LYPD6B: variants seen among roughly 807,000 people sequenced by gnomAD.
LYPD6B encodes the protein LY6/PLAUR domain containing 6B, also known as ly6/PLAUR domain-containing protein 6B.
Under a neutral mutation model 22.8 loss-of-function variants are expected in LYPD6B, and 17 were observed. The observed-to-expected ratio is 0.75, with a 90% CI of 0.51 to 1.12. The LOEUF is 1.12. Ranked by LOEUF, LYPD6B falls within the 50% of genes most tolerant of loss-of-function variation. LYPD6B has a pLI of 0.00. For synonymous variants in LYPD6B, 106 were observed against 91.6 expected, an observed-to-expected ratio of 1.16 and a Z score of -0.90; for missense variants, 221 against 258.3, an observed-to-expected ratio of 0.86 and a Z score of 0.99.
chr2:149,168,781 G>A (rs1240849889), intron 3 of LYPD6B, among the ~76,000 whole-genome samples: 1 of 152,206 alleles, frequency 6.6e-6, no homozygotes, highest in African/African-American at 2.4e-5. Flanking sequence ...TCTGATCATA[G>A]GGGCCTAGCT....
At chr2:149,151,037 TAC>T (rs1182197964) in intron 2 of LYPD6B, among the ~76,000 whole-genome samples, 4 of 152,304 alleles carry the variant, frequency 2.6e-5, no homozygotes, top group South Asian at 2.1e-4. Flanking sequence ...GAGAAAAAAA[TAC>T]AGTTTTTGTA....
chr2:149,046,087 T>C (rs1326618496), intron 1 of LYPD6B, among the ~76,000 whole-genome samples: 1 of 152,202 alleles, frequency 6.6e-6, no homozygotes, highest in Non-Finnish European at 1.5e-5. Context: ...TGCATACACA[T>C]TTAGGGTTGT....
At chr2:149,193,914 T>TA (rs1692645388) in intron 3 of LYPD6B, among the ~76,000 whole-genome samples, 1 of 152,194 alleles carries the variant, frequency 6.6e-6, no homozygotes, top group Non-Finnish European at 1.5e-5. Flanking sequence ...CAGAATATAG[T>TA]ATAGCCTCAG....
chr2:149,072,952 G>C (rs763333028), intron 1 of LYPD6B, among the ~76,000 whole-genome samples: 2 of 152,182 alleles, frequency 1.3e-5, no homozygotes, highest in Non-Finnish European at 2.9e-5. Context: ...TCTAGGCAGA[G>C]GGAACAGCAA....
intron 1 of LYPD6B, among the ~76,000 whole-genome samples, chr2:149,080,267 T>C (rs1685065497): frequency 6.6e-6 from 1 of 152,206 alleles, no homozygotes; most frequent in Admixed American, 6.5e-5. Context: ...TCCCTGTGTG[T>C]GTGTCTGTGT....
chr2:149,081,948 G>A (rs1462624568), intron 1 of LYPD6B, among the ~76,000 whole-genome samples: 1 of 152,166 alleles, frequency 6.6e-6, no homozygotes, highest in Non-Finnish European at 1.5e-5. Context: ...TTCCAGTGAA[G>A]ACTTCCTGTT....
At chr2:149,181,032 AT>A (rs971034615) in intron 3 of LYPD6B, among the ~76,000 whole-genome samples, 4 of 152,114 alleles carry the variant, frequency 2.6e-5, no homozygotes, top group African/African-American at 4.8e-5. Flanking sequence ...CCCAAATAAA[AT>A]TTTGTCAAAG....
intron 1 of LYPD6B, among the ~76,000 whole-genome samples, chr2:149,110,001 G>A (rs187594759): frequency 3.2e-4 from 48 of 152,140 alleles, no homozygotes; most frequent in African/African-American, 8.2e-4. Context: ...ATGAGCCACC[G>A]TACCCGGCCA....
intron 1 of LYPD6B, among the ~76,000 whole-genome samples, chr2:149,081,655 A>G (rs564742270): frequency 6.6e-6 from 1 of 152,226 alleles, no homozygotes; most frequent in South Asian, 2.1e-4. Flanking sequence ...GGATCAAGAA[A>G]CAGAACCTGA....
intron 3 of LYPD6B, among the ~76,000 whole-genome samples, chr2:149,170,412 C>T (rs554632909): frequency 1.1e-3 from 162 of 152,270 alleles, no homozygotes; most frequent in Non-Finnish European, 2.1e-3. Context: ...TCTTCTATCA[C>T]GTCACTGTTC....
rs554107811 is a variant in LYPD6B, at chr2:149,052,191, G to C, written c.-67+13390G>C. 2.9e-3 allele frequency among the ~76,000 whole-genome samples: 442 copies of C among 151,998 alleles called. 2 individuals carry two copies. Among genetic ancestry groups the C allele is most frequent in the African/African-American group, 0.01 (432 of 41,454 alleles). Reference sequence around the variant, plus strand: ...TCTGCCTCAGCCTCCCGAGTAGCTGGAATTACAAGCACGCCCCACCACACC... The same window carrying C: ...TCTGCCTCAGCCTCCCGAGTAGCTGCAATTACAAGCACGCCCCACCACACC... On this transcript the variant is annotated intron_variant, in intron 1 of 6. Transcript: ENST00000409642.
intron 2 of LYPD6B, among the ~76,000 whole-genome samples, chr2:149,135,117 C>T (rs1170190702): frequency 5.3e-5 from 8 of 150,458 alleles, no homozygotes; most frequent in African/African-American, 1.5e-4. Flanking sequence ...TGGTGAGGCA[C>T]GCCTGTAATC....
chr2:149,110,544 G>A (rs892522145), intron 1 of LYPD6B, among the ~76,000 whole-genome samples: 1 of 152,076 alleles, frequency 6.6e-6, no homozygotes, highest in Non-Finnish European at 1.5e-5. Context: ...CTAGGGCTTA[G>A]TACTCCCCAA....
At chr2:149,083,553 C>T (rs1685238304) in intron 1 of LYPD6B, among the ~76,000 whole-genome samples, 1 of 152,134 alleles carries the variant, frequency 6.6e-6, no homozygotes, top group Admixed American at 6.5e-5. Context: ...AAAGAACGCC[C>T]CACATTATGG....
intron 3 of LYPD6B, among the ~76,000 whole-genome samples, chr2:149,161,691 C>G (rs1300890956): frequency 1.3e-5 from 2 of 152,152 alleles, no homozygotes; most frequent in Non-Finnish European, 1.5e-5. Context: ...CACTTTGCAT[C>G]TGATGGCTGG....
Position 149,117,939 on chromosome 2 carries a change from G to T in LYPD6B, c.-66-12944G>T, listed in dbSNP as rs534855929. ...TTGTAGTCACGTCTAGGCTAGGGCTGTGGTCATCTGAAGGCTGGAGGATTT... is the reference window on the plus strand; with the variant it reads ...TTGTAGTCACGTCTAGGCTAGGGCTTTGGTCATCTGAAGGCTGGAGGATTT... On this transcript the variant is annotated intron_variant, in intron 1 of 6. Coordinates refer to ENST00000409642, the MANE Select transcript of LYPD6B (RefSeq NM_177964.5). Among the ~76,000 whole-genome samples, 3 of 152,308 alleles carry T rather than the reference G, an allele frequency of 2.0e-5. No homozygotes were observed. In the South Asian group the frequency reaches 6.2e-4, roughly 32 times the overall value.
At chr2:149,187,387 A>G (rs1188849040) in intron 3 of LYPD6B, 6 of 1,484,144 alleles carry the variant, frequency 4.0e-6, no homozygotes, top group Non-Finnish European at 5.4e-6. Flanking sequence ...CCATGGTCCC[A>G]TGACTTGATA....
At chr2:149,093,911 C>T (rs1357929051) in intron 1 of LYPD6B, among the ~76,000 whole-genome samples, 1 of 152,176 alleles carries the variant, frequency 6.6e-6, no homozygotes, top group East Asian at 1.9e-4. Context: ...TTCTTATTAA[C>T]ACTTTGAAAC....
chr2:149,039,877 T>C (rs928521512), intron 1 of LYPD6B, among the ~76,000 whole-genome samples: 2 of 152,194 alleles, frequency 1.3e-5, no homozygotes, highest in Non-Finnish European at 2.9e-5. Flanking sequence ...CCCATCGTAT[T>C]TGTCAGAATT....
Sources: allele counts gnomAD v4.1 joint callset (sites outside exome capture counted in the v4.1 genomes callset), GRCh38; gene constraint gnomAD v4.1.1; transcripts MANE v1.5; gene names NCBI Gene and HGNC (gene_info 2026-07-23, HGNC 2026-07-21).